Variants in ODAD2 observed in about 807,000 individuals in gnomAD.
ODAD2 encodes outer dynein arm-docking complex subunit 2.
A neutral mutation model predicts 106.8 loss-of-function variants in ODAD2; 89 were observed. The observed-to-expected ratio is 0.83, with a 90% CI of 0.70 to 0.99. The LOEUF is 0.99. ODAD2 is among the 50% of genes least tolerant of loss of function. ODAD2 has a pLI of 0.00. For missense variants in ODAD2, 1,168 were observed against 1,238.5 expected (o/e 0.94, Z 0.85); for synonymous variants, 404 against 436.2 (o/e 0.93, Z 0.92).
At position 27,825,043 on chromosome 10, in the gene ODAD2, T is replaced by C. The variant is rs923418372; in HGVS notation, c.3022-12418A>G. Reference sequence around the variant, plus strand: ...CCTAATCCTCCCCTTTCAAACCTTATTTCCCACAGCCTCCCCTACTCAGCT... The same window carrying C: ...CCTAATCCTCCCCTTTCAAACCTTACTTCCCACAGCCTCCCCTACTCAGCT... On this transcript the variant is annotated intron_variant, in intron 19 of 19. Coordinates refer to ENST00000305242, the MANE Select transcript of ODAD2 (RefSeq NM_018076.5). Among the ~76,000 whole-genome samples the C allele has an allele frequency of 4.6e-5, 7 of 152,310 alleles. No individual in the cohort carries two copies. The South Asian group carries it at 1.4e-3, about 32-fold the overall frequency.
chr10:27,828,253 T>C (rs1837218917), intron 19 of ODAD2, among the ~76,000 whole-genome samples: 1 of 152,160 alleles, frequency 6.6e-6, no homozygotes, highest in African/African-American at 2.4e-5. Flanking sequence ...CTTGAGAGAA[T>C]GCTACTTCCC....
chr10:27,937,907 G>A (rs1385798777), intron 14 of ODAD2, among the ~76,000 whole-genome samples: 1 of 152,114 alleles, frequency 6.6e-6, no homozygotes, highest in Non-Finnish European at 1.5e-5. Context: ...ATTGTTATGG[G>A]CCAAATTGTG....
intron 16 of ODAD2, among the ~76,000 whole-genome samples, chr10:27,919,050 C>T (rs1306414205): frequency 6.6e-6 from 1 of 151,728 alleles, no homozygotes; most frequent in Non-Finnish European, 1.5e-5. Flanking sequence ...ATGAAAGACC[C>T]AAATAAATGG....
intron 12 of ODAD2, among the ~76,000 whole-genome samples, chr10:27,943,011 C>T (rs1590090344): frequency 6.6e-6 from 1 of 152,264 alleles, no homozygotes; most frequent in African/African-American, 2.4e-5. Context: ...ACCGTTCATA[C>T]GGGTAAGGTA....
intron 19 of ODAD2, among the ~76,000 whole-genome samples, chr10:27,815,867 T>A (rs1033507653): frequency 6.6e-6 from 1 of 152,172 alleles, no homozygotes; most frequent in Non-Finnish European, 1.5e-5. Context: ...ACACTTCATA[T>A]CCAACACTTC....
At chr10:27,885,642 T>TATATA (rs1564465775) in intron 17 of ODAD2, among the ~76,000 whole-genome samples, 4 of 68,564 alleles carry the variant, frequency 5.8e-5, no homozygotes, top group Admixed American at 2.8e-4. Context: ...ATATATATTA[T>TATATA]ATATATTATA....
At chr10:27,858,317 T>C (rs1359174416) in intron 19 of ODAD2, among the ~76,000 whole-genome samples, 2 of 152,034 alleles carry the variant, frequency 1.3e-5, no homozygotes, top group Non-Finnish European at 2.9e-5. Flanking sequence ...GAAGAAGAGG[T>C]CGAGAGAGAC....
intron 11 of ODAD2, 144 bp from the exon 12 acceptor site, chr10:27,944,575 T>C: frequency 1.2e-6 from 1 of 839,298 alleles, no homozygotes; most frequent in Non-Finnish European, 1.8e-6. Context: ...TCTGGCATAT[T>C]CTCTTTCATT....
chr10:27,943,275 T>A (rs185024580), intron 12 of ODAD2, among the ~76,000 whole-genome samples: 52 of 152,288 alleles, frequency 3.4e-4, no homozygotes, highest in Non-Finnish European at 2.8e-4. Flanking sequence ...AAAGCAAGAC[T>A]TAGACAAAGA....
chr10:27,985,230 A>AAAG lies in ODAD2; in HGVS notation c.383-20_383-19insCTT. 1 of 1,402,908 alleles carries AAAG rather than the reference A, an allele frequency of 7.1e-7. No individual in the cohort carries two copies. The highest frequency in any genetic ancestry group is 1.4e-5 in the South Asian group (1 of 71,872). 86.9% of individuals were successfully genotyped at this position (1,402,908 alleles called of 1,614,324 possible). A position where few individuals can be genotyped will look rare whatever the true frequency, so the allele number is the denominator to read the frequency against. ...CTGTTAGCTGCCAAAAAAAAAAAAA[A>AAAG]GGAGACAAATAAAAATTATCCACTT... On this transcript the variant is annotated intron_variant, in intron 3 of 19. Coordinates refer to ENST00000305242, the MANE Select transcript of ODAD2 (RefSeq NM_018076.5).
intron 17 of ODAD2, among the ~76,000 whole-genome samples, chr10:27,864,024 T>C (rs998956759): frequency 6.6e-6 from 1 of 152,002 alleles, no homozygotes; most frequent in African/African-American, 2.4e-5. Context: ...TTTTTATCAA[T>C]TTTTTATCTT....
At chr10:27,940,854 T>C (rs777014458) in intron 12 of ODAD2, 49 bp from the exon 13 acceptor site, 8 of 1,574,398 alleles carry the variant, frequency 5.1e-6, no homozygotes, top group Admixed American at 3.4e-5. Context: ...AAAAAGAACA[T>C]TTAAGGCATT....
chr10:27,919,692 A>G (rs1844637807), intron 16 of ODAD2, among the ~76,000 whole-genome samples: 2 of 152,160 alleles, frequency 1.3e-5, no homozygotes. Flanking sequence ...GTAAAATCGT[A>G]CAATCACTTT....
At chr10:27,868,575 A>G (rs1840623128) in intron 17 of ODAD2, among the ~76,000 whole-genome samples, 2 of 152,188 alleles carry the variant, frequency 1.3e-5, no homozygotes, top group African/African-American at 4.8e-5. Context: ...GCGAACTAAC[A>G]CACGAACAGA....
At position 27,988,909 on chromosome 10, in the gene ODAD2, G is replaced by A. The variant is rs530316119; in HGVS notation, c.225-1366C>T. ...GGGAGACTATTCTGGGTATTTGGAG[G>A]AAGCCAAACATAATCACCAGGGTTC... On this transcript the variant is annotated intron_variant, in intron 2 of 19. Transcript: ENST00000305242. Among the ~76,000 whole-genome samples the A allele has an allele frequency of 4.6e-5, 7 of 152,228 alleles. No homozygotes were observed. In the South Asian group the frequency reaches 1.0e-3, roughly 23 times the overall value.
At chr10:27,987,773 A>T (rs1407708869) in intron 2 of ODAD2, among the ~76,000 whole-genome samples, 1 of 143,750 alleles carries the variant, frequency 7.0e-6, no homozygotes, top group East Asian at 2.0e-4. Context: ...CCAAGGAAGA[A>T]TTTTTTTTTT....
chr10:27,975,272 A>G (rs1258836242), intron 7 of ODAD2, among the ~76,000 whole-genome samples: 1 of 152,162 alleles, frequency 6.6e-6, no homozygotes, highest in Non-Finnish European at 1.5e-5. Flanking sequence ...TAAAAACTGG[A>G]GAAATAAGAG....
intron 19 of ODAD2, 33 bp downstream of exon 19, chr10:27,860,592 C>A: frequency 6.3e-7 from 1 of 1,597,908 alleles, no homozygotes; most frequent in African/African-American, 1.3e-5. Flanking sequence ...ATTTACCAAA[C>A]TTGGACTAAA....
chr10:27,906,630 T>C (rs1843610947), intron 17 of ODAD2, among the ~76,000 whole-genome samples: 1 of 152,128 alleles, frequency 6.6e-6, no homozygotes, highest in African/African-American at 2.4e-5. Flanking sequence ...CCATCAATGA[T>C]AGACTGGATA....
Sources: allele counts gnomAD v4.1 joint callset (sites outside exome capture counted in the v4.1 genomes callset), GRCh38; gene constraint gnomAD v4.1.1; transcripts MANE v1.5; gene names NCBI Gene and HGNC (gene_info 2026-07-23, HGNC 2026-07-21).